Variants in CIMIP2A observed in about 807,000 individuals in gnomAD.
CIMIP2A encodes ciliary microtubule inner protein 2A.
chr9:137,251,895 T>A, the CIMIP2A span: 1 of 1,606,688 alleles, frequency 6.2e-7, no homozygotes, highest in Non-Finnish European at 8.5e-7. Context: ...GAGGGAACTA[T>A]GTGAGTGAGG....
chr9:137,252,700 C>G, the CIMIP2A span: 1,132,685 of 1,553,414 alleles, frequency 0.73, 416,575 homozygotes, highest in Admixed American at 0.79. Flanking sequence ...TCAGCCGGCC[C>G]GCCTTCCCCG....
the CIMIP2A span, chr9:137,244,885 A>G: frequency 1.9e-6 from 3 of 1,572,678 alleles, no homozygotes; most frequent in South Asian, 1.1e-5. Flanking sequence ...CCAAATGGGA[A>G]CAGGCAGGCA....
chr9:137,251,701 C>CG, the CIMIP2A span: 5 of 1,548,576 alleles, frequency 3.2e-6, no homozygotes, highest in Non-Finnish European at 4.4e-6. Flanking sequence ...TGGGAGCGGC[C>CG]GGGGGCTGAG....
At chr9:137,252,892 C>T in the CIMIP2A span, 18 of 1,595,480 alleles carry the variant, frequency 1.1e-5, no homozygotes, top group African/African-American at 2.1e-4. Context: ...TTCCTGGGAG[C>T]CGCCTGCAGA....
chr9:137,244,293 G>A, the CIMIP2A span: 3 of 1,613,624 alleles, frequency 1.9e-6, no homozygotes, highest in African/African-American at 1.3e-5. Flanking sequence ...CAGGAACTGG[G>A]GAGACAGGAA....
the CIMIP2A span, chr9:137,245,228 G>A: frequency 1.3e-6 from 2 of 1,576,706 alleles, no homozygotes; most frequent in African/African-American, 1.4e-5. Flanking sequence ...GCTGGAGCGG[G>A]GAGGAAGCGG....
At chr9:137,252,551 GGGGAGTCCACGCAGGCAGGGGGCT>G in the CIMIP2A span, 1 of 1,537,310 alleles carries the variant, frequency 6.5e-7, no homozygotes, top group East Asian at 2.4e-5. Flanking sequence ...GGAAGGGGGC[GGGGAGTCCACGCAGGCAGGGGGCT>G]GGGGGTTCCA....
the CIMIP2A span, chr9:137,244,704 C>G: frequency 6.2e-7 from 1 of 1,613,654 alleles, no homozygotes; most frequent in Non-Finnish European, 8.5e-7. Context: ...AACCCCATTA[C>G]CCAGGTGAAA....
the CIMIP2A span, chr9:137,244,421 C>T: frequency 5.9e-6 from 9 of 1,535,782 alleles, no homozygotes; most frequent in Non-Finnish European, 7.0e-6. Context: ...CCTTCTGCAT[C>T]CCCCTACCCC....
the CIMIP2A span, chr9:137,245,014 C>T: frequency 1.2e-5 from 19 of 1,610,272 alleles, no homozygotes; most frequent in East Asian, 3.6e-4. Flanking sequence ...TGGCAGCCTC[C>T]TCAGGGGCTC....
the CIMIP2A span, chr9:137,247,638 C>T: frequency 6.2e-7 from 1 of 1,610,954 alleles, no homozygotes; most frequent in East Asian, 2.2e-5. Context: ...CCCCAGCCAC[C>T]TCCAGAGCTC....
chr9:137,249,106 T>C, the CIMIP2A span, among the ~76,000 whole-genome samples: 7 of 151,768 alleles, frequency 4.6e-5, no homozygotes, highest in African/African-American at 1.5e-4. Context: ...TCCGCCCACC[T>C]CGGCCTCCCA....
chr9:137,245,743 A>G, the CIMIP2A span: 2 of 1,595,422 alleles, frequency 1.3e-6, no homozygotes, highest in Non-Finnish European at 1.7e-6. Flanking sequence ...CATGGGGGAC[A>G]GCACAGAGCA....
the CIMIP2A span, among the ~76,000 whole-genome samples, chr9:137,249,972 G>A: frequency 2.0e-5 from 3 of 151,136 alleles, no homozygotes; most frequent in Non-Finnish European, 4.4e-5. Flanking sequence ...TGTGTCTGGA[G>A]GCCCTGCCCC....
the CIMIP2A span, chr9:137,244,089 A>C: frequency 2.2e-6 from 3 of 1,375,138 alleles, no homozygotes; most frequent in Non-Finnish European, 3.1e-6. Flanking sequence ...GTCCTGAACC[A>C]GCAATGAAGG....
chr9:137,252,576 G>C, the CIMIP2A span: 1 of 1,498,672 alleles, frequency 6.7e-7, no homozygotes, highest in Non-Finnish European at 9.0e-7. Context: ...GCAGGGGGCT[G>C]GGGGTTCCAG....
the CIMIP2A span, chr9:137,244,024 T>C: frequency 1.1e-5 from 10 of 921,704 alleles, no homozygotes; most frequent in Middle Eastern, 3.3e-4. Flanking sequence ...GTAGGGAGGA[T>C]GGCAGACAAT....
At chr9:137,244,871 G>A in the CIMIP2A span, 1 of 1,567,172 alleles carries the variant, frequency 6.4e-7, no homozygotes, top group African/African-American at 1.4e-5. Flanking sequence ...ACTGTCTGAT[G>A]TGGCCAAATG....
At chr9:137,249,875 G>A in the CIMIP2A span, among the ~76,000 whole-genome samples, 1 of 152,200 alleles carries the variant, frequency 6.6e-6, no homozygotes, top group Non-Finnish European at 1.5e-5. Flanking sequence ...AGTGGCTCCA[G>A]CAAATTAACC....
Sources: gnomAD v4.1 joint callset for allele counts (sites outside exome capture counted in the v4.1 genomes callset) on GRCh38, gnomAD v4.1.1 for gene constraint, MANE v1.5 for transcripts, NCBI Gene and HGNC (gene_info 2026-07-23, HGNC 2026-07-21) for gene names.